Variants in CSMD3 observed in about 807,000 individuals in gnomAD.
CSMD3 encodes CUB and sushi domain-containing protein 3.
CSMD3 carries 177 observed loss-of-function variants against 435.2 expected under a neutral mutation model. The observed-to-expected ratio is 0.41, with a 90% confidence interval of 0.36 to 0.46. The LOEUF (loss-of-function observed/expected upper bound fraction) is 0.46. CSMD3 is among the 20% of genes least tolerant of loss of function. The probability of loss-of-function intolerance (pLI) is 0.34; values close to 1 mark genes in which losing one functional copy is unlikely to be tolerated. For synonymous variants in CSMD3, 1,656 were observed against 1,520.5 expected (o/e 1.09, Z -2.07); for missense variants, 4,265 against 4,504.6 (o/e 0.95, Z 1.52).
At chr8:113,345,017 T>C (rs1277189345) in intron 1 of CSMD3, among the ~76,000 whole-genome samples, 3 of 152,098 alleles carry the variant, frequency 2.0e-5, no homozygotes, top group Admixed American at 6.6e-5. Context: ...TTTCATACTG[T>C]TGCCTGTTTC....
intron 11 of CSMD3, among the ~76,000 whole-genome samples, chr8:112,849,862 C>T (rs933004169): frequency 2.0e-5 from 3 of 151,914 alleles, no homozygotes; most frequent in Admixed American, 6.6e-5. Flanking sequence ...GGATAGAAGC[C>T]CAGGAAACTT....
At chr8:113,228,375 T>C (rs2093050484) in intron 3 of CSMD3, among the ~76,000 whole-genome samples, 2 of 151,640 alleles carry the variant, frequency 1.3e-5, no homozygotes, top group South Asian at 2.1e-4. Context: ...TTGTATTATC[T>C]GGACATTGGG....
chr8:113,086,823 T>C (rs2089800815), intron 5 of CSMD3, among the ~76,000 whole-genome samples: 1 of 152,210 alleles, frequency 6.6e-6, no homozygotes, highest in Admixed American at 6.5e-5. Flanking sequence ...AATTGAGTTT[T>C]CAGTTTAAAT....
chr8:112,913,443 A>G (rs1223769147), intron 10 of CSMD3, among the ~76,000 whole-genome samples: 1 of 151,762 alleles, frequency 6.6e-6, no homozygotes, highest in Admixed American at 6.6e-5. Context: ...CTGGTTCCTT[A>G]CAGTCCACAG....
intron 11 of CSMD3, among the ~76,000 whole-genome samples, chr8:112,838,394 T>G (rs930046385): frequency 6.6e-6 from 1 of 151,680 alleles, no homozygotes; most frequent in African/African-American, 2.4e-5. Context: ...AGGGTTATAT[T>G]TAATTTTTTA....
chr8:113,232,851 G>A (rs67088257), intron 3 of CSMD3, among the ~76,000 whole-genome samples: 15,764 of 151,632 alleles, frequency 0.1, 957 homozygotes, highest in Middle Eastern at 0.17. Flanking sequence ...TCTACTGTAA[G>A]TGTTCCTCCC....
chr8:112,259,234 T>G (rs916083740), intron 61 of CSMD3, among the ~76,000 whole-genome samples: 1 of 151,592 alleles, frequency 6.6e-6, no homozygotes, highest in Non-Finnish European at 1.5e-5. Context: ...ATGTGGCATA[T>G]ATACACCATG....
chr8:113,256,794 C>A (rs1208443162), intron 3 of CSMD3, among the ~76,000 whole-genome samples: 1 of 152,082 alleles, frequency 6.6e-6, no homozygotes, highest in Non-Finnish European at 1.5e-5. Context: ...ACAGACATTG[C>A]AAGTTTTAAG....
In CSMD3 at chr8:112,947,864, A is replaced by C. The variant is rs61753740; in HGVS notation, c.1434T>G (p.Gly478=). 2.5e-3 allele frequency: 3,752 copies of C among 1,481,848 alleles called. 17 individuals are homozygous for C. The highest frequency in any genetic ancestry group is 0.02 in the Middle Eastern group (116 of 5,786). The allele number at this position is 1,481,848 out of a possible 1,614,324, so 91.8% of individuals were successfully genotyped here. A position where few individuals can be genotyped will look rare whatever the true frequency, so the allele number is the denominator to read the frequency against. The change falls in exon 9 of 71, where the codon GGT becomes GGG. Residue 478 remains glycine (G), a synonymous_variant. Transcript: ENST00000297405. ...SNKFSILNEG[G]IKTASNLCPD... ...GGCATAAATTGGAAGCTGTTTTAAT[A>C]CCTCCCTCATTTACTGCAACAGCAG...
intron 69 of CSMD3, 128 bp downstream of exon 69, chr8:112,231,417 A>G: frequency 1.4e-6 from 1 of 724,158 alleles, no homozygotes; most frequent in East Asian, 2.5e-5. Context: ...AAAGGTATCA[A>G]TGCATAGTTC....
intron 6 of CSMD3, among the ~76,000 whole-genome samples, chr8:113,000,890 T>C (rs2085837420): frequency 6.6e-6 from 1 of 152,046 alleles, no homozygotes; most frequent in Non-Finnish European, 1.5e-5. Context: ...CAACCACAAA[T>C]ATACTCTTGA....
intron 3 of CSMD3, among the ~76,000 whole-genome samples, chr8:113,268,760 T>G (rs2093493625): frequency 6.6e-6 from 1 of 152,062 alleles, no homozygotes; most frequent in Admixed American, 6.6e-5. Context: ...ATTCCACATT[T>G]GAGATATTAA....
chr8:112,981,023 T>C (rs2085031960), intron 6 of CSMD3, among the ~76,000 whole-genome samples: 1 of 151,468 alleles, frequency 6.6e-6, no homozygotes, highest in Non-Finnish European at 1.5e-5. Flanking sequence ...AGGAGAATTT[T>C]AAGTAAATCC....
intron 1 of CSMD3, among the ~76,000 whole-genome samples, chr8:113,429,040 T>C (rs993296628): frequency 2.0e-5 from 3 of 151,834 alleles, no homozygotes; most frequent in African/African-American, 7.2e-5. Context: ...CATGACTATT[T>C]ATATATTTCA....
chr8:113,082,190 G>A (rs1318175990), intron 5 of CSMD3, among the ~76,000 whole-genome samples: 1 of 19,612 alleles, frequency 5.1e-5, no homozygotes, highest in Non-Finnish European at 6.9e-5. Context: ...TTCAGCAATG[G>A]GGCAGCTGTG....
intron 1 of CSMD3, among the ~76,000 whole-genome samples, chr8:113,380,723 A>C (rs756072699): frequency 1.2e-4 from 18 of 152,166 alleles, no homozygotes; most frequent in Non-Finnish European, 2.1e-4. Flanking sequence ...TATTTAAAGC[A>C]ATTAATTTTT....
chr8:112,783,832 A>C (rs2078465560), intron 13 of CSMD3, among the ~76,000 whole-genome samples: 1 of 151,976 alleles, frequency 6.6e-6, no homozygotes, highest in Non-Finnish European at 1.5e-5. Flanking sequence ...ACAAAAAAAA[A>C]ACATAAAAAG....
chr8:112,690,593 C>G (rs926427129), intron 13 of CSMD3, among the ~76,000 whole-genome samples: 6 of 150,002 alleles, frequency 4.0e-5, no homozygotes, highest in Non-Finnish European at 7.4e-5. Context: ...CTAGACCCCC[C>G]CCCCCAACAA....
At chr8:112,474,135 G>A (rs1295855025) in intron 31 of CSMD3, among the ~76,000 whole-genome samples, 1 of 152,066 alleles carries the variant, frequency 6.6e-6, no homozygotes, top group East Asian at 1.9e-4. Flanking sequence ...ATAGCCAGCA[G>A]GCCAAATCCA....
Sources: allele counts gnomAD v4.1 joint callset (sites outside exome capture counted in the v4.1 genomes callset), GRCh38; gene constraint gnomAD v4.1.1; transcripts MANE v1.5; gene names NCBI Gene and HGNC (gene_info 2026-07-23, HGNC 2026-07-21).